Variants in PTPN22 observed in about 807,000 individuals in gnomAD.
PTPN22 encodes the protein protein tyrosine phosphatase non-receptor type 22, also known as tyrosine-protein phosphatase non-receptor type 22.
In PTPN22, 85 loss-of-function variants were observed where a neutral mutation model predicts 103.3. The ratio of observed to expected loss-of-function variants is 0.82; its 90% CI spans 0.69 to 0.99. The LOEUF (loss-of-function observed/expected upper bound fraction) is 0.99, where lower values mean the gene tolerates loss of function less well. Among genes scored for constraint, PTPN22 ranks in the 50% least tolerant of loss-of-function variants. The probability of loss-of-function intolerance (pLI) is 0.00; values close to 1 mark genes in which losing one functional copy is unlikely to be tolerated. For synonymous variants in PTPN22, 323 were observed against 310.2 expected, an observed-to-expected ratio of 1.04 and a Z score of -0.43; for missense variants, 865 against 936.9, an observed-to-expected ratio of 0.92 and a Z score of 1.00.
exon 16 of PTPN22, chr1:113,833,118 A>T: frequency 6.4e-7 from 1 of 1,566,448 alleles, no homozygotes; most frequent in Non-Finnish European, 8.8e-7. Context: ...TACCTGATTT[A>T]GGACTTCGGA....
chr1:113,841,229 G>GA lies in PTPN22; in HGVS notation c.916-2610dup, dbSNP rs1308695650. On this transcript the variant is annotated intron_variant, in intron 11 of 20. Transcript: ENST00000359785. ...GCAAGAACGAAACTCCATCTCAAAG[G>GA]AAAAAAAAAAAGAGAGAGAATGAAG... Among the ~76,000 whole-genome samples the GA allele has an allele frequency of 2.0e-4, 28 of 137,904 alleles. 1 individual carries two copies. Among genetic ancestry groups the GA allele is most frequent in the South Asian group, 9.0e-4 (4 of 4,422 alleles). The allele number at this position is 137,904 out of a possible 152,430, so 90.5% of individuals were successfully genotyped here.
rs1042265191 is a variant in PTPN22, at chr1:113,829,842, C to A, written c.2134+107G>T. 2.9e-5 allele frequency: 36 copies of A among 1,250,680 alleles called. No individual in the cohort carries two copies. In the African/African-American group the frequency reaches 3.7e-4, roughly 13 times the overall value. The allele number at this position is 1,250,680 out of a possible 1,614,324, so 77.5% of individuals were successfully genotyped here. The stretch of plus-strand genomic sequence containing the variant: ...ATATTAGGGGCTTTTAAAATGTATT[C>A]TTTTGTGTAATCATTTTTGTACCTT... On this transcript the variant is annotated intron_variant, in intron 17 of 20. Transcript: ENST00000359785.
At chr1:113,821,381 G>A (rs1382012517) in intron 19 of PTPN22, among the ~76,000 whole-genome samples, 1 of 152,078 alleles carries the variant, frequency 6.6e-6, no homozygotes, top group Non-Finnish European at 1.5e-5. Flanking sequence ...GAGTGCAATG[G>A]CACAATCTCG....
At chr1:113,864,820 G>A (rs1665974045) in intron 1 of PTPN22, among the ~76,000 whole-genome samples, 1 of 151,982 alleles carries the variant, frequency 6.6e-6, no homozygotes, top group Admixed American at 6.6e-5. Flanking sequence ...GCTGAGGCAG[G>A]AGAATAACTT....
At chr1:113,860,186 T>C (rs1194604295) in intron 1 of PTPN22, among the ~76,000 whole-genome samples, 1 of 152,160 alleles carries the variant, frequency 6.6e-6, no homozygotes, top group Non-Finnish European at 1.5e-5. Flanking sequence ...TTTCACCATG[T>C]TGCCCAGGCT....
chr1:113,871,471 T>C, intron 1 of PTPN22, 66 bp downstream of exon 1: 5 of 1,360,026 alleles, frequency 3.7e-6, no homozygotes, highest in Non-Finnish European at 5.2e-6. Flanking sequence ...TCTCGGAAAA[T>C]TGGACCCCCA....
chr1:113,814,820 G>T, exon 21 of PTPN22: 1 of 1,026,104 alleles, frequency 9.7e-7, no homozygotes, highest in South Asian at 1.3e-5. Context: ...TATGCATATA[G>T]AGCACTTATT....
At chr1:113,853,355 T>TC (rs1312799517) in intron 9 of PTPN22, among the ~76,000 whole-genome samples, 2 of 149,846 alleles carry the variant, frequency 1.3e-5, no homozygotes, top group African/African-American at 4.9e-5. Flanking sequence ...TTTCTTTCTT[T>TC]TTTTTTTTTT....
At position 113,848,573 on chromosome 1, in the gene PTPN22, CATCT is replaced by C. The variant is rs751453109; in HGVS notation, c.878_881del (p.Gln293ArgfsTer45). 3.0e-5 allele frequency: 49 copies of C among 1,613,518 alleles called. No homozygotes were observed. The East Asian group carries it at 6.7e-4, about 22-fold the overall frequency. On this transcript the variant is annotated frameshift_variant, in exon 11 of 21. Transcript: ENST00000359785. LOFTEE classifies it high-confidence loss of function. ...CAGAATGTTTATCTCTGATAACATC[CATCT>C]GTCTCTTAAATAGTTCTAATACAGC...
chr1:113,831,007 G>A (rs1662499764), intron 16 of PTPN22, among the ~76,000 whole-genome samples: 1 of 152,030 alleles, frequency 6.6e-6, no homozygotes, highest in African/African-American at 2.4e-5. Flanking sequence ...AAAATAACTG[G>A]CATACAGTAG....
At chr1:113,871,501 T>A (rs1327501610) in intron 1 of PTPN22, 36 bp downstream of exon 1, 13 of 1,578,948 alleles carry the variant, frequency 8.2e-6, no homozygotes, top group Non-Finnish European at 1.0e-5. Context: ...AAATAGTGTA[T>A]GTAACTACCC....
chr1:113,832,724 C>A (rs551182569), intron 16 of PTPN22, among the ~76,000 whole-genome samples: 1 of 152,278 alleles, frequency 6.6e-6, no homozygotes, highest in African/African-American at 2.4e-5. Context: ...TTCTTCAATG[C>A]ATGAAACAGG....
rs1446566899 is a variant in PTPN22 at position 113,862,460 on chromosome 1, A to G, written c.88-3000T>C. 5.9e-5 allele frequency among the ~76,000 whole-genome samples: 9 copies of G among 152,246 alleles called. No homozygotes were observed. In the South Asian group the frequency reaches 6.2e-4, roughly 11 times the overall value. On this transcript the variant is annotated intron_variant, in intron 1 of 20. Coordinates refer to ENST00000359785, the Ensembl canonical transcript of PTPN22. ...ACTACCCCTTTCGTTTCAAGAAAGG[A>G]GAGGAGAATGGGGATCCTGGCCAGT...
rs147313995 is a variant in PTPN22 at position 113,863,375 on chromosome 1, G to A, written c.88-3915C>T. ...CCCAAAGTGTGGGGATTACAGGCGTGAGCCGCTGCGCTCAGCCAAGAAATG... is the reference window on the plus strand; with the variant it reads ...CCCAAAGTGTGGGGATTACAGGCGTAAGCCGCTGCGCTCAGCCAAGAAATG... On this transcript the variant is annotated intron_variant, in intron 1 of 20. Coordinates refer to ENST00000359785, the Ensembl canonical transcript of PTPN22. Among the ~76,000 whole-genome samples, 296 of 152,324 alleles carry A rather than the reference G, an allele frequency of 1.9e-3. 3 individuals carry two copies. The highest frequency in any genetic ancestry group is 6.9e-3 in the African/African-American group (288 of 41,560).
intron 20 of PTPN22, among the ~76,000 whole-genome samples, chr1:113,817,939 T>G (rs1027321103): frequency 2.0e-5 from 3 of 151,284 alleles, no homozygotes; most frequent in African/African-American, 7.3e-5. Flanking sequence ...AGTTGGGAGC[T>G]TTTTTCTTTT....
intron 1 of PTPN22, among the ~76,000 whole-genome samples, chr1:113,861,114 C>CAG (rs1665545888): frequency 6.6e-6 from 1 of 152,180 alleles, no homozygotes; most frequent in African/African-American, 2.4e-5. Flanking sequence ...AAACATCACA[C>CAG]AGGAAATGCC....
chr1:113,814,867 G>A (rs999463293), exon 21 of PTPN22: 2 of 1,421,540 alleles, frequency 1.4e-6, no homozygotes, highest in Non-Finnish European at 9.9e-7. Flanking sequence ...ATTTGCAGGT[G>A]TACTTGCAGC....
chr1:113,854,953 G>A (rs1463096581), exon 8 of PTPN22: 13 of 1,611,812 alleles, frequency 8.1e-6, no homozygotes, highest in South Asian at 1.1e-5. Context: ...TGGTAACAAC[G>A]TACATCCCAG....
intron 15 of PTPN22, among the ~76,000 whole-genome samples, chr1:113,833,464 G>A (rs1662728433): frequency 6.6e-6 from 1 of 152,166 alleles, no homozygotes. Flanking sequence ...TTGGAAGAGT[G>A]ACTGTTCTTT....
Sources: gnomAD v4.1 joint callset for allele counts (sites outside exome capture counted in the v4.1 genomes callset) on GRCh38, gnomAD v4.1.1 for gene constraint, MANE v1.5 for transcripts, NCBI Gene and HGNC (gene_info 2026-07-23, HGNC 2026-07-21) for gene names.